ESRRG: variants seen among roughly 807,000 people sequenced by gnomAD.
The protein encoded by ESRRG is estrogen related receptor gamma.
ESRRG carries 13 observed loss-of-function variants against 44.0 expected under a neutral mutation model. The observed-to-expected ratio is 0.30, with a 90% CI of 0.19 to 0.47. The LOEUF (loss-of-function observed/expected upper bound fraction) is 0.47, where lower values mean the gene tolerates loss of function less well. Ranked by LOEUF, ESRRG falls within the 20% of genes least tolerant of loss-of-function variation. The pLI is 1.00. For synonymous variants in ESRRG, 215 were observed against 214.6 expected (o/e 1.00, Z -0.02); for missense variants, 395 against 580.6 (o/e 0.68, Z 3.29).
chr1:217,119,034 GATAGA>G (rs1289859686), intron 1 of ESRRG, among the ~76,000 whole-genome samples: 2 of 151,338 alleles, frequency 1.3e-5, no homozygotes, highest in African/African-American at 2.4e-5. Flanking sequence ...TAGATAGATA[GATAGA>G]TAGATAGATA....
chr1:216,999,033 T>G (rs2150613433), intron 1 of ESRRG, among the ~76,000 whole-genome samples: 1 of 152,316 alleles, frequency 6.6e-6, no homozygotes, highest in African/African-American at 2.4e-5. Context: ...TTGTGATTAT[T>G]TGTGACTCTC....
intron 6 of ESRRG, among the ~76,000 whole-genome samples, chr1:216,508,966 G>A (rs941195446): frequency 6.6e-6 from 1 of 152,042 alleles, no homozygotes; most frequent in Non-Finnish European, 1.5e-5. Flanking sequence ...GGAGAAAATG[G>A]GAATTACACT....
At chr1:216,814,914 T>G (rs1031933165) in intron 2 of ESRRG, among the ~76,000 whole-genome samples, 2 of 152,244 alleles carry the variant, frequency 1.3e-5, no homozygotes, top group African/African-American at 2.4e-5. Flanking sequence ...AGATTGTTAT[T>G]TATTTCAAAG....
chr1:216,697,642 G>A (rs1448390466), intron 1 of ESRRG, among the ~76,000 whole-genome samples: 2 of 152,188 alleles, frequency 1.3e-5, no homozygotes, highest in African/African-American at 4.8e-5. Context: ...TTCAGGGAAG[G>A]TCAAAATAGC....
At position 216,716,519 on chromosome 1, in the gene ESRRG, T is replaced by C. The variant is rs576861014; in HGVS notation, c.56+6725A>G. Among the ~76,000 whole-genome samples, 137 of 152,070 alleles carry C rather than the reference T, an allele frequency of 9.0e-4. 4 individuals carry two copies. The South Asian group carries it at 0.026, about 29-fold the overall frequency. ...CCTCAGTATGCCCAATATTAATTTG[T>C]TTTCTTTGGCTAGGTAAGTCCTGCC... On this transcript the variant is annotated intron_variant, in intron 1 of 6. Transcript: ENST00000408911.
chr1:217,096,957 G>A (rs1379941319), intron 1 of ESRRG, among the ~76,000 whole-genome samples: 1 of 152,050 alleles, frequency 6.6e-6, no homozygotes, highest in African/African-American at 2.4e-5. Context: ...AAAAAAGCTG[G>A]GCTAGCCTTA....
Position 217,044,714 on chromosome 1 carries a change from A to T in ESRRG, c.-106+44793T>A, listed in dbSNP as rs2084531885. On this transcript the variant is annotated intron_variant, in intron 1 of 7. Coordinates refer to the ESRRG transcript ENST00000359162. ...TTTTTAAGAAAAAAACCAGCTCTGC[A>T]GGAAAATGGACTTCCTGCCGAAAGC... 2.0e-5 allele frequency among the ~76,000 whole-genome samples: 3 copies of T among 152,338 alleles called. No individual in the cohort carries two copies. In the South Asian group the frequency reaches 6.2e-4, roughly 32 times the overall value.
Position 216,918,988 on chromosome 1 carries a change from T to G in ESRRG, c.-14+20594A>C, listed in dbSNP as rs973166738. Among the ~76,000 whole-genome samples the G allele has an allele frequency of 7.9e-5, 12 of 151,974 alleles. No individual in the cohort carries two copies. In the East Asian group the frequency reaches 1.7e-3, roughly 22 times the overall value. On this transcript the variant is annotated intron_variant, in intron 2 of 7. Transcript: ENST00000359162. ...ATGAATATCAAATGCATAATATAAC[T>G]TTTATAAACTACAAAAAATATTAAT...
intron 3 of ESRRG, among the ~76,000 whole-genome samples, chr1:216,633,319 G>A (rs987612696): frequency 2.0e-5 from 3 of 152,240 alleles, no homozygotes; most frequent in Non-Finnish European, 4.4e-5. Context: ...GATGCTCTCA[G>A]TGGGCTTGCA....
chr1:216,606,438 C>T (rs1034514116), intron 3 of ESRRG, among the ~76,000 whole-genome samples: 1 of 152,174 alleles, frequency 6.6e-6, no homozygotes, highest in Non-Finnish European at 1.5e-5. Context: ...CACACTTTAT[C>T]TTTTTCTCTA....
chr1:216,676,180 C>A (rs749090406), intron 2 of ESRRG, among the ~76,000 whole-genome samples: 3 of 151,996 alleles, frequency 2.0e-5, no homozygotes, highest in Non-Finnish European at 2.9e-5. Flanking sequence ...AATTTTTTTG[C>A]CAGAATATAT....
chr1:216,663,236 A>G (rs1262223924), intron 2 of ESRRG, among the ~76,000 whole-genome samples: 3 of 152,108 alleles, frequency 2.0e-5, no homozygotes, highest in Non-Finnish European at 4.4e-5. Flanking sequence ...AGTAGTGAAG[A>G]TGCTCTGGAG....
At chr1:216,622,091 G>A (rs970862387) in intron 3 of ESRRG, among the ~76,000 whole-genome samples, 1 of 152,148 alleles carries the variant, frequency 6.6e-6, no homozygotes, top group South Asian at 2.1e-4. Context: ...CAGCTGGATC[G>A]TATCTACTTC....
In ESRRG at chr1:217,069,586, T is replaced by C. The variant is rs1283616923; in HGVS notation, c.-106+19921A>G. On this transcript the variant is annotated intron_variant, in intron 1 of 7. Coordinates refer to the ESRRG transcript ENST00000359162. Reference sequence around the variant, plus strand: ...ATCTTCCTCTTTCCACTCTGACTTATATTGCATCTCATTTCTCATACAACA... The same window carrying C: ...ATCTTCCTCTTTCCACTCTGACTTACATTGCATCTCATTTCTCATACAACA... Among the ~76,000 whole-genome samples, 6 of 152,264 alleles carry C rather than the reference T, an allele frequency of 3.9e-5. No homozygotes were observed. In the East Asian group the frequency reaches 5.8e-4, roughly 15 times the overall value.
chr1:216,672,811 G>A (rs1456129621), intron 2 of ESRRG, among the ~76,000 whole-genome samples: 1 of 152,108 alleles, frequency 6.6e-6, no homozygotes, highest in Non-Finnish European at 1.5e-5. Context: ...AGGCTGCAGT[G>A]AGCCAAGATC....
chr1:216,732,888 T>A (rs141765030), intron 2 of ESRRG, among the ~76,000 whole-genome samples: 166 of 151,646 alleles, frequency 1.1e-3, no homozygotes, highest in African/African-American at 3.8e-3. Context: ...CTCAATAATT[T>A]CCCTTCTCTG....
intron 1 of ESRRG, among the ~76,000 whole-genome samples, chr1:217,031,391 C>T (rs961067891): frequency 1.3e-5 from 2 of 152,126 alleles, no homozygotes; most frequent in African/African-American, 2.4e-5. Flanking sequence ...AGAGGAGAAT[C>T]GCAGAAAGAG....
intron 2 of ESRRG, among the ~76,000 whole-genome samples, chr1:216,841,163 T>C (rs2095647040): frequency 6.6e-6 from 1 of 152,126 alleles, no homozygotes; most frequent in Non-Finnish European, 1.5e-5. Context: ...TTAAAGGTTA[T>C]TGTGGATCTT....
In ESRRG at chr1:216,970,099, A is replaced by G. The variant is rs1035513482; in HGVS notation, c.-105-30426T>C. On this transcript the variant is annotated intron_variant, in intron 1 of 7. Transcript: ENST00000359162. ...TTCTAATTCAAACAGCTACAACCCC[A>G]TAGCTTTTCACCAGAGTCAAGTTCA... Among the ~76,000 whole-genome samples the G allele has an allele frequency of 7.9e-5, 12 of 152,094 alleles. 1 individual carries two copies. Among genetic ancestry groups the G allele is most frequent in the African/African-American group, 2.9e-4 (12 of 41,418 alleles).
Sources: gnomAD v4.1 joint callset for allele counts (sites outside exome capture counted in the v4.1 genomes callset) on GRCh38, gnomAD v4.1.1 for gene constraint, MANE v1.5 for transcripts, NCBI Gene and HGNC (gene_info 2026-07-23, HGNC 2026-07-21) for gene names.